The following GRAP2 variants were observed in gnomAD, a reference collection of about 807,000 sequenced individuals.
GRAP2 encodes GRB2-related adapter protein 2.
Under a neutral mutation model 43.5 loss-of-function variants are expected in GRAP2, and 31 were observed. The ratio of observed to expected loss-of-function variants is 0.71; its 90% CI spans 0.54 to 0.96. GRAP2 has a LOEUF of 0.96. Among genes scored for constraint, GRAP2 ranks in the 40% least tolerant of loss-of-function variants. GRAP2 has a pLI of 0.00. For synonymous variants in GRAP2, 156 were observed against 164.8 expected (o/e 0.95, Z 0.41); for missense variants, 371 against 424.4 (o/e 0.87, Z 1.11).
rs555721496 is a variant in GRAP2, at chr22:39,940,909, G to A, written c.-14-6184G>A. Among the ~76,000 whole-genome samples the A allele has an allele frequency of 5.9e-5, 9 of 152,278 alleles. No individual in the cohort carries two copies. In the East Asian group the frequency reaches 1.2e-3, roughly 20 times the overall value. ...CGAACCTGTCTAGTTAAAGGTTACC[G>A]GGACTCAAGATGCAAAGAAAAGTTA... On this transcript the variant is annotated intron_variant, in intron 1 of 7. Coordinates refer to ENST00000344138, the MANE Select transcript of GRAP2 (RefSeq NM_004810.4).
chr22:39,947,615 G>A (rs140515965), intron 2 of GRAP2: 1 of 166,830 alleles, frequency 6.0e-6, no homozygotes, highest in African/African-American at 2.4e-5. Flanking sequence ...GCAGGGAGCA[G>A]CGCCAGGCTC....
chr22:39,956,037 C>T (rs1226973766), intron 3 of GRAP2, 127 bp downstream of exon 3: 11 of 624,398 alleles, frequency 1.8e-5, no homozygotes, highest in Middle Eastern at 4.2e-4. Flanking sequence ...GAGCTCTCTC[C>T]GGAGAGCCTC....
In GRAP2 at chr22:39,968,087, C is replaced by T; in HGVS notation, c.505C>T (p.His169Tyr). 1 of 1,612,526 alleles carries T rather than the reference C, an allele frequency of 6.2e-7. No individual in the cohort carries two copies. The highest frequency in any genetic ancestry group is 1.1e-5 in the South Asian group (1 of 90,742). Reference sequence around the variant, plus strand: ...GGACCGGAGGTCCCAGGGAGGCCCACACCTCAGTGGGGCTGTGGGAGAAGA... The same window carrying T: ...GGACCGGAGGTCCCAGGGAGGCCCATACCTCAGTGGGGCTGTGGGAGAAGA... ...SLDRRSQGGP[H>Y]LSGAVGEEIR... is the part of the protein sequence containing the mutation. Residue 169 changes from histidine (H) to tyrosine (Y), a missense_variant, in exon 6 of 8, where the codon CAC (histidine) becomes TAC (tyrosine). By Grantham distance (83) the His-to-Tyr change is moderately conservative (BLOSUM62 2). Coordinates refer to ENST00000344138, the MANE Select transcript of GRAP2 (RefSeq NM_004810.4).
intron 2 of GRAP2, among the ~76,000 whole-genome samples, chr22:39,951,524 T>C (rs2066982130): frequency 6.6e-6 from 1 of 152,218 alleles, no homozygotes; most frequent in Non-Finnish European, 1.5e-5. Context: ...CCAGCCGTAA[T>C]TTGGCCCTTC....
chr22:39,928,386 C>T lies in GRAP2; in HGVS notation c.-14-18707C>T, dbSNP rs367992110. ...CAGAGGCAGATGGATAGCCACTATT[C>T]CCTTCAAGTTGGCTTAATATTCTCT... On this transcript the variant is annotated intron_variant, in intron 1 of 7. Transcript: ENST00000344138. Among the ~76,000 whole-genome samples, 252 of 152,286 alleles carry T rather than the reference C, an allele frequency of 1.7e-3. 2 individuals carry two copies. The highest frequency in any genetic ancestry group is 5.6e-3 in the African/African-American group (233 of 41,546).
intron 2 of GRAP2, among the ~76,000 whole-genome samples, chr22:39,951,584 T>C (rs922835807): frequency 3.3e-4 from 50 of 152,086 alleles, no homozygotes; most frequent in African/African-American, 1.2e-3. Context: ...AAAAATCATC[T>C]CTTAGGGAAC....
At chr22:39,956,156 CTT>C (rs546003024) in intron 3 of GRAP2, among the ~76,000 whole-genome samples, 14 of 137,956 alleles carry the variant, frequency 1.0e-4, no homozygotes, top group Admixed American at 2.2e-4. Flanking sequence ...TTGTTCTTAA[CTT>C]TTTTTTTTTT....
the GRAP2 span, among the ~76,000 whole-genome samples, chr22:39,894,474 G>A: frequency 2.3e-3 from 354 of 151,786 alleles, 10 homozygotes; most frequent in East Asian, 0.06. Flanking sequence ...GCTAGATGAC[G>A]AGTTAGTGGG....
At chr22:39,917,580 T>C (rs1267811344) in intron 1 of GRAP2, among the ~76,000 whole-genome samples, 1 of 152,226 alleles carries the variant, frequency 6.6e-6, no homozygotes, top group Admixed American at 6.5e-5. Flanking sequence ...CTCTCTTTGA[T>C]TGAACTGTTG....
chr22:39,942,656 G>C (rs1221390559), intron 1 of GRAP2, among the ~76,000 whole-genome samples: 3 of 151,678 alleles, frequency 2.0e-5, no homozygotes, highest in Non-Finnish European at 2.9e-5. Context: ...CGGATGTGAT[G>C]ACACACATCT....
At chr22:39,946,747 C>T (rs1229459930) in intron 1 of GRAP2, 4 of 231,814 alleles carry the variant, frequency 1.7e-5, no homozygotes, top group Non-Finnish European at 3.4e-5. Flanking sequence ...CCTCAAGTTA[C>T]AGATGATAGC....
chr22:39,896,707 C>T (rs1167740320), upstream of GRAP2, among the ~76,000 whole-genome samples: 1 of 152,122 alleles, frequency 6.6e-6, no homozygotes, highest in East Asian at 1.9e-4. Context: ...GCAAAAGTGT[C>T]AAGTGTTACC....
intron 6 of GRAP2, 71 bp from the exon 7 acceptor site, chr22:39,969,340 C>T: frequency 6.4e-7 from 1 of 1,563,522 alleles, no homozygotes; most frequent in Non-Finnish European, 8.8e-7. Context: ...GGCATCTGAG[C>T]AAGGCACTGG....
At position 39,924,650 on chromosome 22, in the gene GRAP2, C is replaced by G. The variant is rs555069359; in HGVS notation, c.-14-22443C>G. 4.6e-5 allele frequency among the ~76,000 whole-genome samples: 7 copies of G among 151,872 alleles called. No homozygotes were observed. In the East Asian group the frequency reaches 1.4e-3, roughly 29 times the overall value. On this transcript the variant is annotated intron_variant, in intron 1 of 7. Coordinates refer to ENST00000344138, the MANE Select transcript of GRAP2 (RefSeq NM_004810.4). ...CCGGGCGGCGGAGGTTGCAGTGAGCCAAGATTATACCACTACACTCTAGCC... is the reference window on the plus strand; with the variant it reads ...CCGGGCGGCGGAGGTTGCAGTGAGCGAAGATTATACCACTACACTCTAGCC...
chr22:39,903,442 T>C (rs2066504798), intron 1 of GRAP2, among the ~76,000 whole-genome samples: 1 of 148,964 alleles, frequency 6.7e-6, no homozygotes, highest in Non-Finnish European at 1.5e-5. Context: ...CAAAAATAAA[T>C]AATAATAATG....
chr22:39,912,295 C>T (rs1262330523), intron 1 of GRAP2, among the ~76,000 whole-genome samples: 1 of 152,164 alleles, frequency 6.6e-6, no homozygotes, highest in African/African-American at 2.4e-5. Flanking sequence ...TGATGCATGC[C>T]TGTAGTCCTA....
intron 1 of GRAP2, among the ~76,000 whole-genome samples, chr22:39,915,879 G>A (rs1328850918): frequency 2.0e-5 from 3 of 152,144 alleles, no homozygotes; most frequent in Admixed American, 6.5e-5. Flanking sequence ...GGGCACGGAC[G>A]CTTCCATCAA....
At position 39,926,556 on chromosome 22, in the gene GRAP2, A is replaced by G. The variant is rs1039969012; in HGVS notation, c.-14-20537A>G. The G allele has an allele frequency of 2.0e-5, 19 of 967,796 alleles. No individual in the cohort carries two copies. The African/African-American group carries it at 2.3e-4, about 12-fold the overall frequency. 60.0% of individuals were successfully genotyped at this position (967,796 alleles called of 1,614,324 possible). ...GAACCTTGAGCATAAGGAAGTGGCTATGGTTTTTTCTACATGCTCTAGCTG... is the reference window on the plus strand; with the variant it reads ...GAACCTTGAGCATAAGGAAGTGGCTGTGGTTTTTTCTACATGCTCTAGCTG... On this transcript the variant is annotated intron_variant, in intron 1 of 7. Transcript: ENST00000344138.
At chr22:39,918,810 G>A (rs556415815) in intron 1 of GRAP2, among the ~76,000 whole-genome samples, 32 of 152,256 alleles carry the variant, frequency 2.1e-4, no homozygotes, top group African/African-American at 6.7e-4. Flanking sequence ...TTAACAAAAC[G>A]TTGTTTAGTA....
Sources: allele counts gnomAD v4.1 joint callset (sites outside exome capture counted in the v4.1 genomes callset), GRCh38; gene constraint gnomAD v4.1.1; transcripts MANE v1.5; gene names NCBI Gene and HGNC (gene_info 2026-07-23, HGNC 2026-07-21).